GCN1: variants seen among roughly 807,000 people sequenced by gnomAD.
The protein encoded by GCN1 is stalled ribosome sensor GCN1.
GCN1 carries 90 observed loss-of-function variants against 288.4 expected under a neutral mutation model. The ratio of observed to expected loss-of-function variants is 0.31; its 90% CI spans 0.26 to 0.37. The LOEUF is 0.37. GCN1 is among the 10% of genes least tolerant of loss of function. The probability of loss-of-function intolerance (pLI) is 1.00; values close to 1 mark genes in which losing one functional copy is unlikely to be tolerated. For synonymous variants in GCN1, 1,386 were observed against 1,420.2 expected (o/e 0.98, Z 0.54); for missense variants, 2,586 against 3,419.9 (o/e 0.76, Z 6.08).
At chr12:120,185,983 G>A (rs1878808935) in intron 2 of GCN1, among the ~76,000 whole-genome samples, 1 of 152,174 alleles carries the variant, frequency 6.6e-6, no homozygotes, top group Non-Finnish European at 1.5e-5. Flanking sequence ...TAACTCTGGA[G>A]TGAAACAGAT....
chr12:120,149,788 C>A, intron 35 of GCN1, 68 bp from the exon 36 acceptor site: 1 of 1,523,666 alleles, frequency 6.6e-7, no homozygotes. Context: ...TGACACCAGT[C>A]CTAGCGTTCC....
intron 16 of GCN1, among the ~76,000 whole-genome samples, chr12:120,167,784 G>A (rs928831180): frequency 6.6e-6 from 1 of 151,902 alleles, no homozygotes; most frequent in African/African-American, 2.4e-5. Flanking sequence ...CTAAGGCAAC[G>A]TAGAATATTA....
At chr12:120,163,325 A>T in intron 18 of GCN1, 66 bp from the exon 19 acceptor site, 1 of 1,312,874 alleles carries the variant, frequency 7.6e-7, no homozygotes, top group Admixed American at 1.7e-5. Flanking sequence ...CAGGAACCAA[A>T]TATGCTACGG....
Position 120,134,250 on chromosome 12 carries a change from C to G in GCN1, c.7317+41G>C. ...TCAACCTAAGGAGGAGGAGGGAAAC[C>G]AGTGGTCCAGTGCTGCCACTAGTCC... is the stretch of plus-strand genomic sequence containing the variant. On this transcript the variant is annotated intron_variant, in intron 53 of 57. Transcript: ENST00000300648. The surrounding 1 kb of genome is among the most constrained non-coding windows in gnomAD (Gnocchi z 5.0). 7.4e-7 allele frequency: 1 copy of G among 1,343,718 alleles called. No homozygotes were observed. Among genetic ancestry groups the G allele is most frequent in the Non-Finnish European group, 1.1e-6 (1 of 934,590 alleles). 83.2% of individuals were successfully genotyped at this position (1,343,718 alleles called of 1,614,324 possible).
chr12:120,129,384 C>T lies in GCN1; in HGVS notation c.7782G>A (p.Leu2594=), dbSNP rs1331480208. The change falls in exon 57 of 58, where the codon CTG becomes CTA. Residue 2594 remains leucine, a synonymous_variant. Transcript: ENST00000300648. ...PLDPQAIKPI[L]KALLDNTKDK... ...CCTTGGTGTTGTCAAGAAGAGCCTT[C>T]AGGATGGGCTTGATGGCCTGGGGGT... is the stretch of plus-strand genomic sequence containing the variant. 6.2e-7 allele frequency: 1 copy of T among 1,614,074 alleles called. No individual in the cohort carries two copies.
intron 5 of GCN1, 36 bp from the exon 6 acceptor site, chr12:120,178,986 A>AC: frequency 6.4e-7 from 1 of 1,557,018 alleles, no homozygotes; most frequent in Admixed American, 1.7e-5. Flanking sequence ...TCAAGGTGGG[A>AC]CATGAGACTG....
chr12:120,130,656 A>T lies in GCN1; in HGVS notation c.7661T>A (p.Leu2554Gln). The T allele has an allele frequency of 1.2e-6, 2 of 1,611,578 alleles. No homozygotes were observed. Among genetic ancestry groups the T allele is most frequent in the Non-Finnish European group, 1.7e-6 (2 of 1,177,776 alleles). The change falls in exon 56 of 58, where the codon CTG (leucine) becomes CAG (glutamine). Residue 2554 changes from leucine (L) to glutamine (Q), a missense_variant. This residue lies in a region of GCN1 where 355 missense variants were observed against 431.1 expected (regional missense o/e 0.82). Transcript: ENST00000300648. ...GGQLPAKLSSLFVKCLQNPSS... is the reference protein window; with the variant it reads ...GGQLPAKLSSQFVKCLQNPSS... ...TTGGCCCCCACTCACCTTAACGAAC[A>T]GGCTGGAAAGTTTGGCCGGCAACTG...
chr12:120,131,935 A>C lies in GCN1; in HGVS notation c.7405T>G (p.Cys2469Gly), dbSNP rs1325995090. The C allele has an allele frequency of 6.3e-7, 1 of 1,599,520 alleles. No individual in the cohort carries two copies. The highest frequency in any genetic ancestry group is 8.5e-7 in the Non-Finnish European group (1 of 1,170,940). Reference sequence around the variant, plus strand: ...TCTCCAGTGTACTTACCCAGCAAGCACTGCTGTAGAACGGCACTAAGCTCC... The same window carrying C: ...TCTCCAGTGTACTTACCCAGCAAGCCCTGCTGTAGAACGGCACTAAGCTCC... ...EEELSAVLQQ[C>G]LLADVSGIDW... The change falls in exon 54 of 58, where the codon TGC (cysteine) becomes GGC (glycine). Residue 2469 changes from cysteine (C) to glycine (G), a missense_variant. By Grantham distance (159) the Cys-to-Gly change is radical. Coordinates refer to ENST00000300648, the MANE Select transcript of GCN1 (RefSeq NM_006836.2).
chr12:120,148,211 G>A lies in GCN1; in HGVS notation c.4682C>T (p.Ala1561Val). ...HVKVQKAGQQ[A>V]LRQIGSVIRN... ...GATAACGGAGCCGATCTGCCTGAGC[G>A]CCTGCTGTCCAGCCTTCTGGACTTT... Residue 1561 changes from alanine (A) to valine (V), a missense_variant, in exon 37 of 58, where the codon GCG becomes GTG. Physicochemically the swap from Ala to Val is moderately conservative, Grantham distance 64 (BLOSUM62 0). Around this residue, in one of 8 missense-constraint regions of GCN1, gnomAD observed 371 missense variants for 572.6 expected, o/e 0.65. Coordinates refer to ENST00000300648, the MANE Select transcript of GCN1 (RefSeq NM_006836.2). 6.2e-7 allele frequency: 1 copy of A among 1,613,986 alleles called. No homozygotes were observed. The highest frequency in any genetic ancestry group is 8.5e-7 in the Non-Finnish European group (1 of 1,179,940).
At position 120,127,737 on chromosome 12, in the gene GCN1, T is replaced by C; in HGVS notation, c.*112A>G. ...TGGCTGTGGTCTATTGATATTAAAA[T>C]ACTTTCTGGGAACGCCATCTTCCAA... is the stretch of plus-strand genomic sequence containing the variant. On this transcript the variant is annotated 3_prime_UTR_variant, in exon 58 of 58. Transcript: ENST00000300648. The C allele has an allele frequency of 1.7e-6, 2 of 1,205,944 alleles. No individual in the cohort carries two copies. The allele number at this position is 1,205,944 out of a possible 1,614,324, so 74.7% of individuals were successfully genotyped here. A position where few individuals can be genotyped will look rare whatever the true frequency, so the allele number is the denominator to read the frequency against.
intron 38 of GCN1, 84 bp from the exon 39 acceptor site, chr12:120,145,414 A>G: frequency 9.6e-7 from 1 of 1,038,916 alleles, no homozygotes; most frequent in East Asian, 2.6e-5. Flanking sequence ...TGACCTCCCC[A>G]TTCTGCTGGC....
Position 120,153,556 on chromosome 12 carries a change from G to A in GCN1, c.3868-149C>T, listed in dbSNP as rs888947036. 8 of 868,792 alleles carry A rather than the reference G, an allele frequency of 9.2e-6. No individual in the cohort carries two copies. The highest frequency in any genetic ancestry group is 2.3e-4 in the Middle Eastern group (1 of 4,436). The allele number at this position is 868,792 out of a possible 1,614,324, so 53.8% of individuals were successfully genotyped here. A position where few individuals can be genotyped will look rare whatever the true frequency, so the allele number is the denominator to read the frequency against. ...AGTGGCTCTTCCAGTTTTCTGGCAG[G>A]ACTGCCACAGACTTAAAAGAATTTA... is the stretch of plus-strand genomic sequence containing the variant. On this transcript the variant is annotated intron_variant, in intron 32 of 57. Coordinates refer to ENST00000300648, the MANE Select transcript of GCN1 (RefSeq NM_006836.2). The surrounding 1 kb of genome is among the most constrained non-coding windows in gnomAD (Gnocchi z 4.4).
At chr12:120,133,706 C>A (rs561014157) in intron 53 of GCN1, among the ~76,000 whole-genome samples, 1 of 152,350 alleles carries the variant, frequency 6.6e-6, no homozygotes, top group South Asian at 2.1e-4. Flanking sequence ...AAAGTGACTT[C>A]TTTAAGATCA....
chr12:120,151,496 G>A (rs1019190664), intron 33 of GCN1, 105 bp from the exon 34 acceptor site: 1 of 1,219,972 alleles, frequency 8.2e-7, no homozygotes, highest in Non-Finnish European at 1.1e-6. Context: ...GATGTCCCAA[G>A]CCCCATCTCA....
At chr12:120,188,309 C>T (rs1459741358) in intron 2 of GCN1, among the ~76,000 whole-genome samples, 2 of 152,130 alleles carry the variant, frequency 1.3e-5, no homozygotes, top group Admixed American at 6.6e-5. Context: ...TAGCAGGTGC[C>T]TGTAATCCCA....
rs541410880 is a variant in GCN1 at position 120,140,967 on chromosome 12, G to A, written c.5886C>T (p.Pro1962=). 27 of 1,613,906 alleles carry A rather than the reference G, an allele frequency of 1.7e-5. No individual in the cohort carries two copies. The highest frequency in any genetic ancestry group is 3.3e-5 in the South Asian group (3 of 91,062). The change falls in exon 45 of 58, where the codon CCC becomes CCT. Residue 1962 remains proline (P), a synonymous_variant. Coordinates refer to ENST00000300648, the MANE Select transcript of GCN1 (RefSeq NM_006836.2). ...CTTCCTCAAGGATGGGGATGATCTC[G>A]GGGAGGATTTTCTCCCCTAACTTCC... ...LVRKLGEKIL[P]EIIPILEEGL... is the part of the protein sequence containing the mutation.
At chr12:120,130,780 G>A in intron 55 of GCN1, 27 bp from the exon 56 acceptor site, 11 of 1,473,004 alleles carry the variant, frequency 7.5e-6, no homozygotes, top group Non-Finnish European at 8.5e-6. Context: ...GCGCTAGACG[G>A]GAGGCCCCCC....
rs147457411 is a variant in GCN1, at chr12:120,191,458, C to T, written c.19-1058G>A. Among the ~76,000 whole-genome samples, 933 of 152,264 alleles carry T rather than the reference C, an allele frequency of 6.1e-3. 9 individuals are homozygous for T. Among genetic ancestry groups the T allele is most frequent in the African/African-American group, 0.021 (889 of 41,548 alleles). On this transcript the variant is annotated intron_variant, in intron 1 of 57. Coordinates refer to ENST00000300648, the MANE Select transcript of GCN1 (RefSeq NM_006836.2). ...GTGGACAGGTTGTGGATTCATAAGC[C>T]GTAGAGCAGGGCATGATAAGGCTCA...
intron 12 of GCN1, among the ~76,000 whole-genome samples, chr12:120,174,789 C>CAAAA (rs1212428710): frequency 6.6e-5 from 2 of 30,366 alleles, no homozygotes; most frequent in Non-Finnish European, 1.4e-4. Context: ...GACTCCATCT[C>CAAAA]AAAAAAAAAA....
Sources: gnomAD v4.1 joint callset for allele counts (sites outside exome capture counted in the v4.1 genomes callset) on GRCh38, gnomAD v4.1.1 for gene constraint, gnomAD v4.1.1 regional missense constraint, Gnocchi (gnomAD v3.1) non-coding constraint, MANE v1.5 for transcripts, NCBI Gene and HGNC (gene_info 2026-07-23, HGNC 2026-07-21) for gene names.